Variants in C10orf88 observed in about 807,000 individuals in gnomAD.
C10orf88 encodes ATPase PAAT.
In C10orf88, 29 loss-of-function variants were observed where a neutral mutation model predicts 34.2. The observed-to-expected ratio is 0.85, with a 90% CI of 0.63 to 1.16. The LOEUF (loss-of-function observed/expected upper bound fraction) is 1.16, where lower values mean the gene tolerates loss of function less well. Among genes scored for constraint, C10orf88 ranks in the 50% most tolerant of loss-of-function variants. C10orf88 has a pLI of 0.00. For synonymous variants in C10orf88, 194 were observed against 197.4 expected (o/e 0.98, Z 0.15); for missense variants, 507 against 533.2 (o/e 0.95, Z 0.48).
chr10:122,950,530 T>G (rs139291081), intron 3 of C10orf88, among the ~76,000 whole-genome samples: 227 of 147,338 alleles, frequency 1.5e-3, no homozygotes, highest in Middle Eastern at 3.4e-3. Flanking sequence ...AAGATGTGAC[T>G]GTCTTCAACA....
intron 4 of C10orf88, among the ~76,000 whole-genome samples, chr10:122,944,341 C>T (rs924320518): frequency 7.0e-5 from 9 of 128,004 alleles, no homozygotes; most frequent in African/African-American, 2.8e-4. Context: ...CACATGGACA[C>T]AGGAAGGGGA....
At chr10:122,943,510 CA>C (rs1368546881) in intron 4 of C10orf88, among the ~76,000 whole-genome samples, 4 of 151,458 alleles carry the variant, frequency 2.6e-5, no homozygotes, top group Non-Finnish European at 3.0e-5. Flanking sequence ...CAACAAAAGC[CA>C]AAATTGACAA....
chr10:122,951,634 A>C (rs1276024455), intron 3 of C10orf88, among the ~76,000 whole-genome samples: 1 of 152,166 alleles, frequency 6.6e-6, no homozygotes, highest in Non-Finnish European at 1.5e-5. Flanking sequence ...TTCTTTGTAC[A>C]TGTTTACTAA....
chr10:122,948,341 G>A (rs1848658358), intron 4 of C10orf88, among the ~76,000 whole-genome samples: 1 of 152,040 alleles, frequency 6.6e-6, no homozygotes, highest in East Asian at 1.9e-4. Flanking sequence ...GCTCCAGAAT[G>A]TAAAAATTCT....
chr10:122,949,824 CTGAAA>C, intron 3 of C10orf88, among the ~76,000 whole-genome samples: 1 of 152,210 alleles, frequency 6.6e-6, no homozygotes, highest in African/African-American at 2.4e-5. Flanking sequence ...AAAACGTTTA[CTGAAA>C]TAAGTAAAAT....
In C10orf88 at chr10:122,947,103, T is replaced by C. The variant is rs533589140; in HGVS notation, c.648+1546A>G. 4.6e-5 allele frequency among the ~76,000 whole-genome samples: 7 copies of C among 152,242 alleles called. No homozygotes were observed. The South Asian group carries it at 1.5e-3, about 32-fold the overall frequency. On this transcript the variant is annotated intron_variant, in intron 4 of 5. Transcript: ENST00000481909. ...TTCTCGGTACATTGTGGAAAACAGATTGTAGCAGGACAGGTGGGCCAGTTA... is the reference window on the plus strand; with the variant it reads ...TTCTCGGTACATTGTGGAAAACAGACTGTAGCAGGACAGGTGGGCCAGTTA...
chr10:122,932,309 T>C lies in C10orf88; in HGVS notation c.*118A>G. On this transcript the variant is annotated 3_prime_UTR_variant, in exon 6 of 6. Transcript: ENST00000481909. ...AAAAACGAAAACTGAGGTCACTTTG[T>C]GTAAGACAATGATCCCTCAAAGGAC... The C allele has an allele frequency of 1.2e-6, 1 of 838,764 alleles. No individual in the cohort carries two copies. Among genetic ancestry groups the C allele is most frequent in the Non-Finnish European group, 1.8e-6 (1 of 554,624 alleles). The allele number at this position is 838,764 out of a possible 1,614,324, so 52.0% of individuals were successfully genotyped here.
At chr10:122,938,248 G>A in intron 4 of C10orf88, 89 bp from the exon 5 acceptor site, 1 of 1,072,170 alleles carries the variant, frequency 9.3e-7, no homozygotes, top group East Asian at 2.4e-5. Context: ...ACTGTGCATT[G>A]TTTCATCCAA....
chr10:122,946,534 C>T (rs1352133092), intron 4 of C10orf88, among the ~76,000 whole-genome samples: 10 of 152,132 alleles, frequency 6.6e-5, no homozygotes, highest in Non-Finnish European at 1.5e-4. Flanking sequence ...GTTCTCAGAA[C>T]ATATCCCCAC....
chr10:122,949,668 A>G (rs2133336314), intron 3 of C10orf88, among the ~76,000 whole-genome samples: 1 of 152,288 alleles, frequency 6.6e-6, no homozygotes, highest in South Asian at 2.1e-4. Context: ...TCCATTTAAT[A>G]TTTTTGGACC....
chr10:122,933,954 C>T (rs1302824048), intron 5 of C10orf88, among the ~76,000 whole-genome samples: 1 of 151,778 alleles, frequency 6.6e-6, no homozygotes, highest in African/African-American at 2.4e-5. Flanking sequence ...TATTTTTAAA[C>T]AAATATTTTT....
chr10:122,940,425 C>T (rs1261179230), intron 4 of C10orf88, among the ~76,000 whole-genome samples: 2 of 151,832 alleles, frequency 1.3e-5, no homozygotes, highest in African/African-American at 2.4e-5. Flanking sequence ...AAATGAATTG[C>T]TATTCAATAG....
intron 4 of C10orf88, among the ~76,000 whole-genome samples, chr10:122,940,572 A>T: frequency 6.6e-6 from 1 of 152,044 alleles, no homozygotes; most frequent in East Asian, 1.9e-4. Flanking sequence ...TCTTACCACA[A>T]TTTAAAAAAG....
At chr10:122,941,469 G>C (rs1269551135) in intron 4 of C10orf88, among the ~76,000 whole-genome samples, 1 of 152,098 alleles carries the variant, frequency 6.6e-6, no homozygotes, top group African/African-American at 2.4e-5. Flanking sequence ...AAACTTCTGA[G>C]GTCCTTCCTT....
chr10:122,942,755 G>A (rs2133332401), intron 4 of C10orf88, among the ~76,000 whole-genome samples: 1 of 151,384 alleles, frequency 6.6e-6, no homozygotes, highest in East Asian at 1.9e-4. Context: ...GCCAAATCAT[G>A]AGTGAACTCC....
In C10orf88 at chr10:122,932,360, T is replaced by C. The variant is rs1370966823; in HGVS notation, c.*67A>G. On this transcript the variant is annotated 3_prime_UTR_variant, in exon 6 of 6. Coordinates refer to ENST00000481909, the MANE Select transcript of C10orf88 (RefSeq NM_024942.4). The stretch of plus-strand genomic sequence containing the variant: ...ATTAAATACTTGCTTTTTATAAATA[T>C]TTTTGGGTTTTGGCTTTGTAATAAA... 1 of 1,280,350 alleles carries C rather than the reference T, an allele frequency of 7.8e-7. No individual in the cohort carries two copies. The highest frequency in any genetic ancestry group is 1.1e-6 in the Non-Finnish European group (1 of 920,224). 79.3% of individuals were successfully genotyped at this position (1,280,350 alleles called of 1,614,324 possible).
At position 122,951,973 on chromosome 10, in the gene C10orf88, G is replaced by A; in HGVS notation, c.422C>T (p.Thr141Ile). 6.5e-7 allele frequency: 1 copy of A among 1,546,380 alleles called. No homozygotes were observed. The highest frequency in any genetic ancestry group is 8.9e-7 in the Non-Finnish European group (1 of 1,127,156). ...YKKNLKLESS[T>I]HACKIKLLSF... The stretch of plus-strand genomic sequence containing the variant: ...ACTTACCTTTATTTTACAAGCATGT[G>A]TGGAGGACTCCAATTTTAGATTTTT... Residue 141 changes from threonine (T) to isoleucine (I), a missense_variant, in exon 3 of 6, where the codon ACA (threonine) becomes ATA (isoleucine). Coordinates refer to ENST00000481909, the MANE Select transcript of C10orf88 (RefSeq NM_024942.4).
At chr10:122,932,950 C>G (rs1353861810) in intron 5 of C10orf88, among the ~76,000 whole-genome samples, 1 of 152,074 alleles carries the variant, frequency 6.6e-6, no homozygotes, top group Non-Finnish European at 1.5e-5. Flanking sequence ...TTTTGAGGTC[C>G]AAATCAAAAC....
chr10:122,937,976 T>A lies in C10orf88; in HGVS notation c.832A>T (p.Lys278Ter). 6.2e-7 allele frequency: 1 copy of A among 1,613,456 alleles called. No homozygotes were observed. Among genetic ancestry groups the A allele is most frequent in the Non-Finnish European group, 8.5e-7 (1 of 1,179,558 alleles). ...TCTCCACCAGGCAGTTGTGTACTTTTATCAATGTAAGTTTGTAAGTTTTCA... is the reference window on the plus strand; with the variant it reads ...TCTCCACCAGGCAGTTGTGTACTTTAATCAATGTAAGTTTGTAAGTTTTCA... ...VTENLQTYID[K>*]STQLPGGENS... The change falls in exon 5 of 6, where the codon AAA becomes TAA. Residue 278 changes from lysine to a stop codon, truncating the protein, a stop_gained. Transcript: ENST00000481909. LOFTEE classifies it high-confidence loss of function.
Sources: allele counts gnomAD v4.1 joint callset (sites outside exome capture counted in the v4.1 genomes callset), GRCh38; gene constraint gnomAD v4.1.1; transcripts MANE v1.5; gene names NCBI Gene and HGNC (gene_info 2026-07-23, HGNC 2026-07-21).